The following IL1RAPL1 variants were observed in gnomAD, a reference collection of about 807,000 sequenced individuals.
IL1RAPL1 encodes the protein interleukin 1 receptor accessory protein like 1.
IL1RAPL1 carries 3 observed loss-of-function variants against 48.4 expected under a neutral mutation model. The ratio of observed to expected loss-of-function variants is 0.06; its 90% CI spans 0.03 to 0.16. IL1RAPL1 has a LOEUF of 0.16. IL1RAPL1 is among the 10% of genes least tolerant of loss of function. The pLI is 1.00. For synonymous variants in IL1RAPL1, 185 were observed against 187.7 expected, an observed-to-expected ratio of 0.99 and a Z score of 0.12; for missense variants, 349 against 530.6, an observed-to-expected ratio of 0.66 and a Z score of 3.36.
intron 2 of IL1RAPL1, among the ~76,000 whole-genome samples, chrX:29,138,592 ACCC>A: frequency 1.0e-5 from 1 of 98,988 alleles, no homozygotes; most frequent in South Asian, 4.7e-4. Context: ...ACATGGTGAA[ACCC>A]CATCTCTACT....
At chrX:29,526,589 T>G (rs951591155) in intron 5 of IL1RAPL1, among the ~76,000 whole-genome samples, 3 of 111,527 alleles carry the variant, frequency 2.7e-5, no homozygotes, top group African/African-American at 9.8e-5. Context: ...ACAGACAAAA[T>G]TCGACAGCTA....
chrX:29,253,291 T>G (rs1931697948), intron 2 of IL1RAPL1, among the ~76,000 whole-genome samples: 1 of 110,843 alleles, frequency 9.0e-6, no homozygotes, highest in African/African-American at 3.3e-5. Flanking sequence ...TATTCTCAAA[T>G]GGATAGTGAG....
intron 2 of IL1RAPL1, among the ~76,000 whole-genome samples, chrX:29,062,088 A>G (rs1927353961): frequency 8.9e-6 from 1 of 112,287 alleles, no homozygotes. Context: ...TTTAAAATGT[A>G]ATTAATATCA....
rs887714421 is a variant in IL1RAPL1, at chrX:28,660,028, A to G, written c.-25+71981A>G. Among the ~76,000 whole-genome samples the G allele has an allele frequency of 3.7e-5, 4 of 109,205 alleles. No individual in the cohort carries two copies. In the South Asian group the frequency reaches 1.2e-3, roughly 33 times the overall value. 94.8% of individuals were successfully genotyped at this position (109,205 alleles called of 115,157 possible). A position where few individuals can be genotyped will look rare whatever the true frequency, so the allele number is the denominator to read the frequency against. On this transcript the variant is annotated intron_variant, in intron 1 of 10. Transcript: ENST00000378993. ...TGTCTGAGTGTGGGAAAATCACTCT[A>G]TAACACTTCACTTGTGATAAACCGC... is the stretch of plus-strand genomic sequence containing the variant.
intron 6 of IL1RAPL1, among the ~76,000 whole-genome samples, chrX:29,845,305 T>C (rs1334853585): frequency 9.0e-6 from 1 of 111,268 alleles, no homozygotes; most frequent in Admixed American, 9.6e-5. Flanking sequence ...ATAACAACAA[T>C]GGGAGACAGT....
chrX:29,021,238 AAAG>A, intron 2 of IL1RAPL1, among the ~76,000 whole-genome samples: 1 of 108,540 alleles, frequency 9.2e-6, no homozygotes, highest in Non-Finnish European at 1.9e-5. Context: ...AAAAAAAAAA[AAAG>A]AACAAAGAAA....
chrX:29,473,055 G>A (rs900898755), intron 5 of IL1RAPL1, among the ~76,000 whole-genome samples: 1 of 111,297 alleles, frequency 9.0e-6, no homozygotes, highest in African/African-American at 3.3e-5. Flanking sequence ...CACAGTTTTG[G>A]AGACTAGAAG....
At chrX:29,294,009 A>T (rs753571223) in intron 3 of IL1RAPL1, among the ~76,000 whole-genome samples, 1 of 109,577 alleles carries the variant, frequency 9.1e-6, no homozygotes, top group African/African-American at 3.3e-5. Flanking sequence ...GGCTCTTTCT[A>T]AATCTAATTT....
intron 2 of IL1RAPL1, among the ~76,000 whole-genome samples, chrX:29,172,833 C>T (rs184139229): frequency 4.5e-5 from 5 of 111,601 alleles, no homozygotes; most frequent in Admixed American, 9.6e-5. Context: ...GGATAACTTT[C>T]TTCAGCAATT....
chrX:29,064,683 G>A (rs1927415566), intron 2 of IL1RAPL1, among the ~76,000 whole-genome samples: 2 of 111,133 alleles, frequency 1.8e-5, no homozygotes, highest in Non-Finnish European at 1.9e-5. Flanking sequence ...CCGGGTTCAC[G>A]CCATTCTCCT....
At chrX:29,910,608 C>T (rs1932748492) in intron 6 of IL1RAPL1, among the ~76,000 whole-genome samples, 1 of 111,204 alleles carries the variant, frequency 9.0e-6, no homozygotes, top group African/African-American at 3.3e-5. Context: ...TTTTATAAAT[C>T]ATTTTATAAA....
At chrX:29,405,771 G>A (rs141357836) in intron 5 of IL1RAPL1, among the ~76,000 whole-genome samples, 50 of 110,259 alleles carry the variant, frequency 4.5e-4, no homozygotes, top group African/African-American at 1.3e-3. Flanking sequence ...TGTTTTATCA[G>A]CTTCCTGGAT....
rs191498563 is a variant in IL1RAPL1 at position 29,129,459 on chromosome X, T to A, written c.83-153479T>A. 6.8e-4 allele frequency among the ~76,000 whole-genome samples: 76 copies of A among 111,734 alleles called. No homozygotes were observed. The Middle Eastern group carries it at 0.014, about 20-fold the overall frequency. On this transcript the variant is annotated intron_variant, in intron 2 of 10. Coordinates refer to ENST00000378993, the MANE Select transcript of IL1RAPL1 (RefSeq NM_014271.4). ...TTTTGTTTTTATGTGTGGGAAAATT[T>A]AAAAAACAAAGACTAAAAGGATATG...
At chrX:29,769,610 A>ATTTTTTTT (rs146650137) in intron 6 of IL1RAPL1, among the ~76,000 whole-genome samples, 3 of 43,061 alleles carry the variant, frequency 7.0e-5, no homozygotes, top group East Asian at 5.9e-4. Flanking sequence ...TGCCTGGCTA[A>ATTTTTTTT]TTTTTTTTTT....
intron 6 of IL1RAPL1, among the ~76,000 whole-genome samples, chrX:29,888,564 C>G (rs1932214681): frequency 9.0e-6 from 1 of 111,083 alleles, no homozygotes; most frequent in Admixed American, 9.6e-5. Flanking sequence ...CTAATGAAGG[C>G]TATCATTCTT....
intron 6 of IL1RAPL1, among the ~76,000 whole-genome samples, chrX:29,847,926 T>C (rs928808485): frequency 1.6e-4 from 18 of 111,726 alleles, no homozygotes; most frequent in African/African-American, 4.9e-4. Context: ...TGAAGTTTTA[T>C]TCTGGAAATA....
At chrX:29,725,567 C>T (rs1927755409) in intron 6 of IL1RAPL1, among the ~76,000 whole-genome samples, 1 of 111,357 alleles carries the variant, frequency 9.0e-6, no homozygotes, top group African/African-American at 3.3e-5. Context: ...CTCCAGACTC[C>T]CAAGTCTCTG....
intron 1 of IL1RAPL1, among the ~76,000 whole-genome samples, chrX:28,605,937 T>TA (rs1284830944): frequency 9.0e-6 from 1 of 110,848 alleles, no homozygotes; most frequent in African/African-American, 3.3e-5. Context: ...ACTTCCATCA[T>TA]TTTTGGCTTA....
intron 6 of IL1RAPL1, among the ~76,000 whole-genome samples, chrX:29,884,326 T>C (rs1354817185): frequency 9.0e-6 from 1 of 111,300 alleles, no homozygotes; most frequent in East Asian, 2.8e-4. Flanking sequence ...ATTTAATAGT[T>C]AATGTGCCAT....
Sources: gnomAD v4.1 joint callset for allele counts (sites outside exome capture counted in the v4.1 genomes callset) on GRCh38, gnomAD v4.1.1 for gene constraint, MANE v1.5 for transcripts, NCBI Gene and HGNC (gene_info 2026-07-23, HGNC 2026-07-21) for gene names.